Variants in NSD2 observed in about 807,000 individuals in gnomAD.
NSD2 encodes the protein nuclear receptor binding SET domain protein 2, also known as histone-lysine N-methyltransferase NSD2.
Under a neutral mutation model 139.0 loss-of-function variants are expected in NSD2, and 12 were observed. That is an observed-to-expected ratio of 0.09 (90% confidence interval 0.06 to 0.14). The LOEUF (loss-of-function observed/expected upper bound fraction) is 0.14. Ranked by LOEUF, NSD2 falls within the 10% of genes least tolerant of loss-of-function variation. The pLI is 1.00. For synonymous variants in NSD2, 669 were observed against 648.7 expected, an observed-to-expected ratio of 1.03 and a Z score of -0.48; for missense variants, 1,155 against 1,745.0, an observed-to-expected ratio of 0.66 and a Z score of 6.02.
Position 1,930,735 on chromosome 4 carries a change from C to G in NSD2, c.1520C>G (p.Ala507Gly), listed in dbSNP as rs2108855822. ...AGAGCACGCTACAACACCAAGTTTGCCCTGGTGGCCCCTGTCCAGGCTGAA... is the reference window on the plus strand; with the variant it reads ...AGAGCACGCTACAACACCAAGTTTGGCCTGGTGGCCCCTGTCCAGGCTGAA... ...KQRARYNTKF[A>G]LVAPVQAEED... Residue 507 changes from alanine to glycine, a missense_variant, in exon 6 of 22, where the codon GCC (alanine) becomes GGC (glycine). Transcript: ENST00000508803. 1 of 1,613,672 alleles carries G rather than the reference C, an allele frequency of 6.2e-7. No individual in the cohort carries two copies. The highest frequency in any genetic ancestry group is 2.2e-5 in the East Asian group (1 of 44,830).
intron 18 of NSD2, among the ~76,000 whole-genome samples, chr4:1,966,820 A>G (rs2108995168): frequency 6.6e-6 from 1 of 152,268 alleles, no homozygotes; most frequent in African/African-American, 2.4e-5. Context: ...GTTTTAGGGC[A>G]CTCAATACAT....
chr4:1,897,490 A>G (rs1256963631), intron 1 of NSD2, among the ~76,000 whole-genome samples: 2 of 150,790 alleles, frequency 1.3e-5, no homozygotes, highest in Non-Finnish European at 2.9e-5. Context: ...CCCTGTCTCA[A>G]GGGAAAAAAA....
chr4:1,908,388 T>C (rs1718221219), intron 3 of NSD2, among the ~76,000 whole-genome samples: 1 of 152,162 alleles, frequency 6.6e-6, no homozygotes, highest in South Asian at 2.1e-4. Flanking sequence ...GGAATTATTG[T>C]GGGATGTAGA....
At position 1,979,155 on chromosome 4, in the gene NSD2, G is replaced by A. The variant is rs1001334013; in HGVS notation, c.*246G>A. ...TGGACAAACAGCCTCACTCCTCAGC[G>A]TTACCGCCACACTTGAATTTCTCCG... On this transcript the variant is annotated 3_prime_UTR_variant, in exon 22 of 22. Transcript: ENST00000508803. 1.4e-5 allele frequency: 6 copies of A among 414,902 alleles called. No individual in the cohort carries two copies. The highest frequency in any genetic ancestry group is 1.1e-4 in the East Asian group (3 of 27,600). The allele number at this position is 414,902 out of a possible 1,614,324, so 25.7% of individuals were successfully genotyped here.
rs1350643989 is a variant in NSD2 at position 1,941,173 on chromosome 4, C to T, written c.1881+1395C>T. 8 of 1,053,704 alleles carry T rather than the reference C, an allele frequency of 7.6e-6. No homozygotes were observed. The East Asian group carries it at 3.8e-4, about 50-fold the overall frequency. 65.3% of individuals were successfully genotyped at this position (1,053,704 alleles called of 1,614,324 possible). A position where few individuals can be genotyped will look rare whatever the true frequency, so the allele number is the denominator to read the frequency against. On this transcript the variant is annotated intron_variant, in intron 9 of 21. Transcript: ENST00000508803. ...TTCTTGTCCAAGTTCAGGTTAAAAT[C>T]TTAGAAAATTAAATGAAAGGTCATT...
intron 18 of NSD2, among the ~76,000 whole-genome samples, chr4:1,966,787 T>A (rs931859555): frequency 6.6e-6 from 1 of 152,226 alleles, no homozygotes; most frequent in East Asian, 1.9e-4. Context: ...ATTACTAGTT[T>A]TACTCATGAA....
At position 1,976,971 on chromosome 4, in the gene NSD2, A is replaced by G. The variant is rs910434208; in HGVS notation, c.3826+292A>G. Among the ~76,000 whole-genome samples the G allele has an allele frequency of 6.6e-6, 1 of 152,218 alleles. No individual in the cohort carries two copies. The highest frequency in any genetic ancestry group is 1.5e-5 in the Non-Finnish European group (1 of 68,018). On this transcript the variant is annotated intron_variant, in intron 21 of 21. Coordinates refer to ENST00000508803, the MANE Select transcript of NSD2 (RefSeq NM_001042424.3). This position sits in a 1 kb window ranked among gnomAD's most constrained non-coding sequence, Gnocchi z 5.3. ...AGCTGCAGAATTGGGGCCCTCATCC[A>G]TGCTGTGGGGGCGGGGCGGCCAGGA...
chr4:1,892,003 A>G (rs1715610416), intron 1 of NSD2, among the ~76,000 whole-genome samples: 1 of 151,922 alleles, frequency 6.6e-6, no homozygotes, highest in Non-Finnish European at 1.5e-5. Flanking sequence ...CTCTTTTCCT[A>G]GCATATCTAC....
chr4:1,879,470 C>T (rs543064957), intron 1 of NSD2, among the ~76,000 whole-genome samples: 6 of 152,290 alleles, frequency 3.9e-5, no homozygotes, highest in East Asian at 3.9e-4. Flanking sequence ...CCGCCCGCCT[C>T]GGCCTCCCAA....
chr4:1,960,453 T>A (rs1255348072), intron 17 of NSD2, among the ~76,000 whole-genome samples: 1 of 152,168 alleles, frequency 6.6e-6, no homozygotes, highest in Non-Finnish European at 1.5e-5. Context: ...CTGCCTCTGC[T>A]CCCAGACTGT....
At chr4:1,891,114 G>A (rs1256284238) in intron 1 of NSD2, among the ~76,000 whole-genome samples, 1 of 152,148 alleles carries the variant, frequency 6.6e-6, no homozygotes, top group Non-Finnish European at 1.5e-5. Flanking sequence ...GGCTGATGTC[G>A]AGTTCTTGGG....
intron 9 of NSD2, chr4:1,945,321 G>A (rs767215238): frequency 7.5e-6 from 8 of 1,066,124 alleles, no homozygotes; most frequent in Non-Finnish European, 9.1e-6. Flanking sequence ...GATGCTGTGT[G>A]AGAGCCATGC....
At chr4:1,897,649 T>G (rs2108733660) in intron 1 of NSD2, among the ~76,000 whole-genome samples, 1 of 152,310 alleles carries the variant, frequency 6.6e-6, no homozygotes, top group African/African-American at 2.4e-5. Flanking sequence ...ATTGATATAT[T>G]TTTGAGACAG....
chr4:1,921,069 G>A (rs1336548996), intron 5 of NSD2, among the ~76,000 whole-genome samples: 1 of 152,166 alleles, frequency 6.6e-6, no homozygotes, highest in Non-Finnish European at 1.5e-5. Flanking sequence ...TTGATAAAAG[G>A]TTAGTAAACC....
chr4:1,882,194 C>T (rs763211280), intron 1 of NSD2, among the ~76,000 whole-genome samples: 1 of 152,092 alleles, frequency 6.6e-6, no homozygotes, highest in East Asian at 1.9e-4. Context: ...TGCTTTGGGT[C>T]CCTGATTGGA....
chr4:1,904,107 T>G, intron 2 of NSD2, 109 bp from the exon 3 acceptor site: 11 of 1,218,786 alleles, frequency 9.0e-6, no homozygotes, highest in Non-Finnish European at 1.1e-5. Context: ...ACTCCATTTT[T>G]GGGGGTCTGT....
chr4:1,974,854 A>C lies in NSD2; in HGVS notation c.3373-9A>C. The C allele has an allele frequency of 6.2e-7, 1 of 1,614,104 alleles. No individual in the cohort carries two copies. ...AACACTTGACCGAATATATCACTTG[A>C]CCTTACAGGACCGTATAATAGACGC... On this transcript the variant is annotated splice_polypyrimidine_tract_variant and intron_variant, in intron 18 of 21. Transcript: ENST00000508803. This position sits in a 1 kb window ranked among gnomAD's most constrained non-coding sequence, Gnocchi z 4.0.
chr4:1,966,726 A>T (rs1725931327), intron 18 of NSD2, among the ~76,000 whole-genome samples: 1 of 151,416 alleles, frequency 6.6e-6, no homozygotes, highest in South Asian at 2.1e-4. Context: ...ATTGTAATTT[A>T]GTTTGTAAAT....
At chr4:1,937,331 G>A (rs1722520563) in intron 7 of NSD2, among the ~76,000 whole-genome samples, 1 of 152,170 alleles carries the variant, frequency 6.6e-6, no homozygotes, top group African/African-American at 2.4e-5. Context: ...TGGGATTACA[G>A]GTGTGAGCCA....
Sources: allele counts gnomAD v4.1 joint callset (sites outside exome capture counted in the v4.1 genomes callset), GRCh38; gene constraint gnomAD v4.1.1; non-coding constraint Gnocchi (gnomAD v3.1); transcripts MANE v1.5; gene names NCBI Gene and HGNC (gene_info 2026-07-23, HGNC 2026-07-21).